The following FCGR3A variants were observed in gnomAD, a reference collection of about 807,000 sequenced individuals.
The protein encoded by FCGR3A is Fc gamma receptor IIIa, also known as low affinity immunoglobulin gamma Fc region receptor III-A.
FCGR3A carries 13 observed loss-of-function variants against 24.1 expected under a neutral mutation model. The ratio of observed to expected loss-of-function variants is 0.54; its 90% CI spans 0.35 to 0.86. The LOEUF (loss-of-function observed/expected upper bound fraction) is 0.86. Ranked by LOEUF, FCGR3A falls within the 40% of genes least tolerant of loss-of-function variation. FCGR3A has a pLI of 0.01. For missense variants in FCGR3A, 235 were observed against 298.0 expected (o/e 0.79, Z 1.56); for synonymous variants, 93 against 112.2 (o/e 0.83, Z 1.08).
intron 3 of FCGR3A, among the ~76,000 whole-genome samples, chr1:161,547,719 A>G (rs1677490446): frequency 6.6e-6 from 1 of 152,260 alleles, no homozygotes; most frequent in East Asian, 1.9e-4. Context: ...AGGGCATTAC[A>G]TGTCTGAGAG....
upstream of FCGR3A, chr1:161,550,029 T>C (rs373969655): frequency 1.5e-6 from 1 of 652,728 alleles, no homozygotes; most frequent in Non-Finnish European, 2.6e-6. Flanking sequence ...ACACAGAATC[T>C]GCCAGAGTGT....
chr1:161,549,993 G>A (rs571498108), upstream of FCGR3A: 47 of 820,578 alleles, frequency 5.7e-5, no homozygotes, highest in Non-Finnish European at 8.6e-5. Context: ...TCCCTCAAAG[G>A]TCTGTGGCTG....
rs1677143998 is a variant in FCGR3A at position 161,542,183 on chromosome 1, T to C, written c.*829A>G. The C allele has an allele frequency of 6.6e-6, 1 of 152,586 alleles. No homozygotes were observed. Among genetic ancestry groups the C allele is most frequent in the Admixed American group, 6.6e-5 (1 of 15,262 alleles). 9.5% of individuals were successfully genotyped at this position (152,586 alleles called of 1,614,324 possible). On this transcript the variant is annotated 3_prime_UTR_variant, in exon 5 of 5. Transcript: ENST00000443193. ...TCCTGTGTGCTTGTGGTTGGTTCTT[T>C]CTTCTCAGGCTTTCTCATTCTGATG...
At chr1:161,546,679 G>A (rs1677415760) in intron 3 of FCGR3A, among the ~76,000 whole-genome samples, 1 of 151,944 alleles carries the variant, frequency 6.6e-6, no homozygotes, top group Non-Finnish European at 1.5e-5. Context: ...GCCGAGGTGG[G>A]CAGATCATGA....
intron 3 of FCGR3A, among the ~76,000 whole-genome samples, chr1:161,546,835 G>C (rs549325425): frequency 6.6e-6 from 1 of 152,080 alleles, no homozygotes; most frequent in East Asian, 1.9e-4. Context: ...AACCCGGGAG[G>C]TGGAGGTTGC....
At chr1:161,543,451 G>C (rs556540402) in intron 4 of FCGR3A, among the ~76,000 whole-genome samples, 1 of 152,156 alleles carries the variant, frequency 6.6e-6, no homozygotes, top group African/African-American at 2.4e-5. Flanking sequence ...GACAGGGAGC[G>C]TTAACAAGTT....
At position 161,543,073 on chromosome 1, in the gene FCGR3A, C is replaced by T; in HGVS notation, c.704G>A (p.Ser235Asn). Residue 235 changes from serine to asparagine, a missense_variant, in exon 5 of 5, where the codon AGC (serine) becomes AAC (asparagine). Transcript: ENST00000443193. The part of the protein sequence containing the change: ...LYFSVKTNIR[S>N]STRDWKDHKF... ...ATGGTCCTTCCAGTCTCTTGTTGAGCTTCGAATGTTTGTCTTCACAGAGAA... is the reference window on the plus strand; with the variant it reads ...ATGGTCCTTCCAGTCTCTTGTTGAGTTTCGAATGTTTGTCTTCACAGAGAA... The T allele has an allele frequency of 6.2e-7, 1 of 1,613,378 alleles. No homozygotes were observed. The highest frequency in any genetic ancestry group is 8.5e-7 in the Non-Finnish European group (1 of 1,179,646).
chr1:161,546,434 TG>T (rs1677398770), intron 3 of FCGR3A, among the ~76,000 whole-genome samples: 1 of 152,026 alleles, frequency 6.6e-6, no homozygotes, highest in Admixed American at 6.6e-5. Context: ...CACTGTGGAC[TG>T]GAGATACCCA....
rs1572014432 is a variant in FCGR3A at position 161,544,846 on chromosome 1, A to T, written c.432T>A (p.Asn144Lys). 1 of 1,613,816 alleles carries T rather than the reference A, an allele frequency of 6.2e-7. No individual in the cohort carries two copies. The highest frequency in any genetic ancestry group is 8.5e-7 in the Non-Finnish European group (1 of 1,179,936). The change falls in exon 4 of 5, where the codon AAT becomes AAA. Residue 144 changes from asparagine to lysine, a missense_variant. Coordinates refer to ENST00000443193, the MANE Select transcript of FCGR3A (RefSeq NM_000569.8). ...TALHKVTYLQNGKGRKYFHHN... is the reference protein window; with the variant it reads ...TALHKVTYLQKGKGRKYFHHN... Reference sequence around the variant, plus strand: ...GATGAAAATACTTCCTGCCTTTGCCATTCTGTAAATATGTGACCTTATGCA... The same window carrying T: ...GATGAAAATACTTCCTGCCTTTGCCTTTCTGTAAATATGTGACCTTATGCA...
At position 161,543,053 on chromosome 1, in the gene FCGR3A, C is replaced by G; in HGVS notation, c.724G>C (p.Asp242His). 1.2e-6 allele frequency: 2 copies of G among 1,613,028 alleles called. No homozygotes were observed. The highest frequency in any genetic ancestry group is 1.7e-6 in the Non-Finnish European group (2 of 1,179,476). Residue 242 changes from aspartate (D) to histidine (H), a missense_variant, in exon 5 of 5, where the codon GAC becomes CAC. Asp to His is a moderately conservative substitution (Grantham distance 81). Transcript: ENST00000443193. ...NIRSSTRDWK[D>H]HKFKWRKDPQ... ...TCCTTTCTCCATTTAAATTTATGGTCCTTCCAGTCTCTTGTTGAGCTTCGA... is the reference window on the plus strand; with the variant it reads ...TCCTTTCTCCATTTAAATTTATGGTGCTTCCAGTCTCTTGTTGAGCTTCGA...
chr1:161,546,210 A>C lies in FCGR3A; in HGVS notation c.320-1252T>G, dbSNP rs1677387880. Among the ~76,000 whole-genome samples the C allele has an allele frequency of 1.3e-5, 2 of 152,078 alleles. 1 individual carries two copies. Among genetic ancestry groups the C allele is most frequent in the African/African-American group, 4.8e-5 (2 of 41,378 alleles). Reference sequence around the variant, plus strand: ...AGTAATCTTCATTACCTATTAAGAGATATCATTTATCAAAAGAAGCCATGT... The same window carrying C: ...AGTAATCTTCATTACCTATTAAGAGCTATCATTTATCAAAAGAAGCCATGT... On this transcript the variant is annotated intron_variant, in intron 3 of 4. Coordinates refer to ENST00000443193, the MANE Select transcript of FCGR3A (RefSeq NM_000569.8).
intron 3 of FCGR3A, among the ~76,000 whole-genome samples, chr1:161,546,496 A>T (rs1677401382): frequency 6.6e-6 from 1 of 152,116 alleles, no homozygotes; most frequent in South Asian, 2.1e-4. Context: ...GTCTAGACAT[A>T]GAAACATAAA....
Position 161,543,152 on chromosome 1 carries a change from C to A in FCGR3A, c.625G>T (p.Val209Phe). The A allele has an allele frequency of 3.7e-6, 6 of 1,613,396 alleles. No homozygotes were observed. Among genetic ancestry groups the A allele is most frequent in the Non-Finnish European group, 5.1e-6 (6 of 1,179,628 alleles). ...ISSFFPPGYQ[V>F]SFCLVMVLLF... is the part of the protein sequence containing the mutation. ...AGTACCATCACCAAGCAGAAAGAGA[C>A]TTGGTACCCAGGTGGAAAGAATGAT... The change falls in exon 5 of 5, where the codon GTC (valine) becomes TTC (phenylalanine). Residue 209 changes from valine to phenylalanine, a missense_variant. By Grantham distance (50) the Val-to-Phe change is conservative (BLOSUM62 -1). Coordinates refer to ENST00000443193, the MANE Select transcript of FCGR3A (RefSeq NM_000569.8).
At chr1:161,548,954 G>A in intron 2 of FCGR3A, 57 bp downstream of exon 2, 1 of 1,582,996 alleles carries the variant, frequency 6.3e-7, no homozygotes, top group Non-Finnish European at 8.7e-7. Context: ...ATATCTTATG[G>A]CCTTTGTCCC....
intron 3 of FCGR3A, among the ~76,000 whole-genome samples, 172 bp downstream of exon 3, chr1:161,548,249 C>T (rs1422030217): frequency 6.4e-4 from 98 of 152,390 alleles, no homozygotes; most frequent in African/African-American, 2.3e-3. Context: ...ACATTTTGCC[C>T]AAGACCTACT....
At chr1:161,545,878 A>G (rs1677369272) in intron 3 of FCGR3A, 1 of 152,108 alleles carries the variant, frequency 6.6e-6, no homozygotes, top group Non-Finnish European at 1.5e-5. Context: ...TACTTCAAAT[A>G]TTTTAAAAAG....
upstream of FCGR3A, chr1:161,549,884 T>C (rs1557859104): frequency 5.6e-6 from 9 of 1,605,222 alleles, 1 homozygote; most frequent in African/African-American, 1.3e-5. Context: ...AAACTTCATC[T>C]GACTTCTCAG....
chr1:161,546,521 C>T (rs1356628960), intron 3 of FCGR3A, among the ~76,000 whole-genome samples: 1 of 151,990 alleles, frequency 6.6e-6, no homozygotes, highest in Non-Finnish European at 1.5e-5. Flanking sequence ...CAGAAATAAT[C>T]ACAATACAAT....
Position 161,543,592 on chromosome 1 carries a change from T to TA in FCGR3A, c.578-394dup, listed in dbSNP as rs55878002. ...CTTGATTTTGATATATTTCCAAACTTAAAAAAAAAATGACCAGAATAGTTT... is the reference window on the plus strand; with the variant it reads ...CTTGATTTTGATATATTTCCAAACTTAAAAAAAAAAATGACCAGAATAGTTT... On this transcript the variant is annotated intron_variant, in intron 4 of 4. Transcript: ENST00000443193. Among the ~76,000 whole-genome samples, 1,190 of 148,088 alleles carry TA rather than the reference T, an allele frequency of 8.0e-3. 14 individuals carry two copies. Among genetic ancestry groups the TA allele is most frequent in the Non-Finnish European group, 0.012 (827 of 66,478 alleles).
Sources: gnomAD v4.1 joint callset for allele counts (sites outside exome capture counted in the v4.1 genomes callset) on GRCh38, gnomAD v4.1.1 for gene constraint, MANE v1.5 for transcripts, NCBI Gene and HGNC (gene_info 2026-07-23, HGNC 2026-07-21) for gene names.